Variants in PCDHGA2 observed in about 807,000 individuals in gnomAD.
The protein encoded by PCDHGA2 is protocadherin gamma-A2.
PCDHGA2 carries 40 observed loss-of-function variants against 59.2 expected under a neutral mutation model. That is an observed-to-expected ratio of 0.68 (90% CI 0.52 to 0.88). PCDHGA2 has a LOEUF of 0.88. PCDHGA2 is among the 40% of genes least tolerant of loss of function. The pLI, the probability that PCDHGA2 is intolerant of heterozygous loss-of-function variation, is 0.00. For synonymous variants in PCDHGA2, 560 were observed against 526.0 expected, an observed-to-expected ratio of 1.06 and a Z score of -0.89; for missense variants, 1,226 against 1,204.0, an observed-to-expected ratio of 1.02 and a Z score of -0.27.
In PCDHGA2 at chr5:141,433,358, C is replaced by CCTATCTATCTATCTAT. The variant is rs3074541; in HGVS notation, c.2425-61416_2425-61401dup. ...ACAGGTGCAAGCCACCTACTGTCTG[C>CCTATCTATCTATCTAT]CTATCTATCTATCTATCTATCTATC... On this transcript the variant is annotated intron_variant, in intron 1 of 3. Coordinates refer to ENST00000394576, the MANE Select transcript of PCDHGA2 (RefSeq NM_018915.4). 1.1e-3 allele frequency: 566 copies of CCTATCTATCTATCTAT among 504,038 alleles called. 2 individuals carry two copies. The highest frequency in any genetic ancestry group is 1.7e-3 in the East Asian group (49 of 28,778). The allele number at this position is 504,038 out of a possible 1,614,324, so 31.2% of individuals were successfully genotyped here.
At position 141,487,892 on chromosome 5, in the gene PCDHGA2, T is replaced by C; in HGVS notation, c.2425-6915T>C. The C allele has an allele frequency of 2.7e-6, 2 of 731,410 alleles. No individual in the cohort carries two copies. The highest frequency in any genetic ancestry group is 4.4e-6 in the Non-Finnish European group (2 of 450,094). 45.3% of individuals were successfully genotyped at this position (731,410 alleles called of 1,614,324 possible). On this transcript the variant is annotated intron_variant, in intron 1 of 3. Coordinates refer to ENST00000394576, the MANE Select transcript of PCDHGA2 (RefSeq NM_018915.4). This position sits in a 1 kb window ranked among gnomAD's most constrained non-coding sequence, Gnocchi z 5.0. ...GAGCCAGGCTGTTGTGGAAGCATGA[T>C]GATGGAATGTGGGAGCACAGGAGGC...
At chr5:141,364,161 C>T in intron 1 of PCDHGA2, 2 of 652,296 alleles carry the variant, frequency 3.1e-6, no homozygotes, top group Non-Finnish European at 4.6e-6. Flanking sequence ...GCCGCAGAGG[C>T]GACCCGACTC....
At chr5:141,433,397 A>C (rs189987785) in intron 1 of PCDHGA2, among the ~76,000 whole-genome samples, 2 of 150,410 alleles carry the variant, frequency 1.3e-5, no homozygotes, top group African/African-American at 4.9e-5. Context: ...CTATCTATCT[A>C]TCTATCTATT....
At chr5:141,383,473 C>A (rs764928203) in intron 1 of PCDHGA2, 1 of 1,613,568 alleles carries the variant, frequency 6.2e-7, no homozygotes, top group African/African-American at 1.3e-5. Flanking sequence ...AACTAAGTAC[C>A]CGGAACTGGT....
Position 141,431,461 on chromosome 5 carries a change from T to C in PCDHGA2, c.2425-63346T>C, listed in dbSNP as rs1477501293. 1 of 1,613,800 alleles carries C rather than the reference T, an allele frequency of 6.2e-7. No individual in the cohort carries two copies. Among genetic ancestry groups the C allele is most frequent in the Admixed American group, 1.7e-5 (1 of 60,032 alleles). ...CGCGCATCCGCGTGATGGTTCTGGA[T>C]GCGAACGACAACGCACCAGCGTTTG... On this transcript the variant is annotated intron_variant, in intron 1 of 3. Transcript: ENST00000394576. The surrounding 1 kb of genome is among the most constrained non-coding windows in gnomAD (Gnocchi z 4.8).
intron 1 of PCDHGA2, chr5:141,376,316 G>C: frequency 6.2e-7 from 1 of 1,614,224 alleles, no homozygotes; most frequent in South Asian, 1.1e-5. Flanking sequence ...GGGCGTGGAA[G>C]GGGTTCGGGC....
rs1254680765 is a variant in PCDHGA2 at position 141,491,399 on chromosome 5, A to G, written c.2425-3408A>G. ...CTGTCAGCGAAGTGCCTTCAGGGAA[A>G]CGCAGACGGGGACGGGGGTGGAGGG... On this transcript the variant is annotated intron_variant, in intron 1 of 3. Transcript: ENST00000394576. This position sits in a 1 kb window ranked among gnomAD's most constrained non-coding sequence, Gnocchi z 6.9. 3 of 1,613,998 alleles carry G rather than the reference A, an allele frequency of 1.9e-6. No homozygotes were observed. Among genetic ancestry groups the G allele is most frequent in the Non-Finnish European group, 2.5e-6 (3 of 1,180,028 alleles).
At chr5:141,355,698 C>G (rs781213427) in intron 1 of PCDHGA2, 1 of 1,613,810 alleles carries the variant, frequency 6.2e-7, no homozygotes, top group Non-Finnish European at 8.5e-7. Context: ...GTGTAAACTC[C>G]CTGCAGGGTT....
chr5:141,411,859 C>CA (rs553337516), intron 1 of PCDHGA2: 8,585 of 145,752 alleles, frequency 0.059, 330 homozygotes, highest in Non-Finnish European at 0.088. Context: ...GACCCTGTCT[C>CA]AAAAAAAAAA....
At chr5:141,386,155 C>A (rs763846568) in intron 1 of PCDHGA2, among the ~76,000 whole-genome samples, 73 of 152,278 alleles carry the variant, frequency 4.8e-4, no homozygotes, top group Middle Eastern at 3.4e-3. Flanking sequence ...AACTGTCTCA[C>A]GTACTCAAAC....
Position 141,360,898 on chromosome 5 carries a change from G to C in PCDHGA2, c.2424+19503G>C, listed in dbSNP as rs1252117170. On this transcript the variant is annotated intron_variant, in intron 1 of 3. Coordinates refer to ENST00000394576, the MANE Select transcript of PCDHGA2 (RefSeq NM_018915.4). Reference sequence around the variant, plus strand: ...GTACAGGGTCACCCTGAGGGAGGACGTGCCGCCGGGCTTCTTTGTGCTTCA... The same window carrying C: ...GTACAGGGTCACCCTGAGGGAGGACCTGCCGCCGGGCTTCTTTGTGCTTCA... 7 of 1,613,922 alleles carry C rather than the reference G, an allele frequency of 4.3e-6. No individual in the cohort carries two copies. Among genetic ancestry groups the C allele is most frequent in the South Asian group, 2.2e-5 (2 of 91,090 alleles).
rs1379095967 is a variant in PCDHGA2 at position 141,422,752 on chromosome 5, A to C, written c.2425-72055A>C. The C allele has an allele frequency of 6.2e-7, 1 of 1,612,064 alleles. No homozygotes were observed. The highest frequency in any genetic ancestry group is 1.3e-5 in the African/African-American group (1 of 74,892). On this transcript the variant is annotated intron_variant, in intron 1 of 3. Transcript: ENST00000394576. The stretch of plus-strand genomic sequence containing the variant: ...GCCTCTGTCCTCCTATGTCTCTATT[A>C]ACTCCAACACTGGTGTTCTCTATGC...
intron 1 of PCDHGA2, chr5:141,362,237 T>A (rs1381834832): frequency 1.2e-6 from 2 of 1,614,026 alleles, no homozygotes; most frequent in Non-Finnish European, 8.5e-7. Flanking sequence ...TTGATCTCAG[T>A]GCTCTTCTTC....
intron 1 of PCDHGA2, among the ~76,000 whole-genome samples, chr5:141,380,158 T>C (rs939673033): frequency 6.6e-6 from 1 of 151,976 alleles, no homozygotes; most frequent in Non-Finnish European, 1.5e-5. Flanking sequence ...CCTCAGCCTC[T>C]CAAAGGGCTG....
At chr5:141,380,669 G>C (rs1434222643) in intron 1 of PCDHGA2, among the ~76,000 whole-genome samples, 1 of 152,174 alleles carries the variant, frequency 6.6e-6, no homozygotes, top group Non-Finnish European at 1.5e-5. Flanking sequence ...TTACTCCATA[G>C]GGTATGTATG....
intron 1 of PCDHGA2, chr5:141,351,952 G>T (rs1205013199): frequency 1.2e-6 from 2 of 1,613,070 alleles, no homozygotes; most frequent in Middle Eastern, 1.7e-4. Context: ...CCGCGCTGGG[G>T]CCTGATGGCT....
At chr5:141,370,483 C>T in intron 1 of PCDHGA2, 1 of 1,613,876 alleles carries the variant, frequency 6.2e-7, no homozygotes, top group East Asian at 2.2e-5. Flanking sequence ...CAGGCTCTCT[C>T]CGAACCGATC....
chr5:141,400,515 T>C lies in PCDHGA2; in HGVS notation c.2424+59120T>C, dbSNP rs367864769. On this transcript the variant is annotated intron_variant, in intron 1 of 3. Coordinates refer to ENST00000394576, the MANE Select transcript of PCDHGA2 (RefSeq NM_018915.4). ...GTAATTCCAGCGAGTCGACTTCCCATCCTGAGTTGGTGAGTTTCATTTATG... is the reference window on the plus strand; with the variant it reads ...GTAATTCCAGCGAGTCGACTTCCCACCCTGAGTTGGTGAGTTTCATTTATG... 2,129 of 1,613,988 alleles carry C rather than the reference T, an allele frequency of 1.3e-3. 41 individuals are homozygous for C. In the South Asian group the frequency reaches 0.02, roughly 15 times the overall value.
intron 1 of PCDHGA2, chr5:141,423,436 C>A (rs2096740667): frequency 6.2e-7 from 1 of 1,613,782 alleles, no homozygotes; most frequent in Non-Finnish European, 8.5e-7. Context: ...GGCAGGTATG[C>A]CCACGTCACA....
Sources: gnomAD v4.1 joint callset for allele counts (sites outside exome capture counted in the v4.1 genomes callset) on GRCh38, gnomAD v4.1.1 for gene constraint, Gnocchi (gnomAD v3.1) non-coding constraint, MANE v1.5 for transcripts, NCBI Gene and HGNC (gene_info 2026-07-23, HGNC 2026-07-21) for gene names.